The following THSD7A variants were observed in gnomAD, a reference collection of about 807,000 sequenced individuals.
THSD7A encodes thrombospondin type-1 domain-containing protein 7A.
A neutral mutation model predicts 231.3 loss-of-function variants in THSD7A; 96 were observed. The observed-to-expected ratio is 0.41, with a 90% CI of 0.35 to 0.49. THSD7A has a LOEUF of 0.49. Among genes scored for constraint, THSD7A ranks in the 20% least tolerant of loss-of-function variants. The pLI, the probability that THSD7A is intolerant of heterozygous loss-of-function variation, is 0.05. For missense variants in THSD7A, 2,290 were observed against 2,070.2 expected (o/e 1.11, Z -2.06); for synonymous variants, 940 against 743.3 (o/e 1.26, Z -4.30).
chr7:11,553,053 T>C (rs1014328285), intron 4 of THSD7A, among the ~76,000 whole-genome samples: 1 of 152,072 alleles, frequency 6.6e-6, no homozygotes, highest in Non-Finnish European at 1.5e-5. Context: ...TTTGTGTCTG[T>C]GTCCTAAATT....
intron 4 of THSD7A, among the ~76,000 whole-genome samples, chr7:11,583,433 C>T (rs2189637): frequency 0.61 from 92,724 of 151,788 alleles, 29,613 homozygotes; most frequent in African/African-American, 0.82. Context: ...CATGCCATCA[C>T]GCCTGGCAGT....
chr7:11,514,162 A>G (rs1034551230), intron 6 of THSD7A, among the ~76,000 whole-genome samples: 7 of 152,068 alleles, frequency 4.6e-5, no homozygotes, highest in African/African-American at 9.7e-5. Context: ...TGACCACTCA[A>G]AATAAAATAA....
chr7:11,582,978 A>G (rs1451915283), intron 4 of THSD7A, among the ~76,000 whole-genome samples: 1 of 151,202 alleles, frequency 6.6e-6, no homozygotes, highest in African/African-American at 2.4e-5. Flanking sequence ...TTTGATTCTT[A>G]TATTCTGAAC....
At chr7:11,674,868 C>T (rs1480806025) in intron 1 of THSD7A, among the ~76,000 whole-genome samples, 1 of 151,998 alleles carries the variant, frequency 6.6e-6, no homozygotes, top group African/African-American at 2.4e-5. Context: ...AACGAGGAAA[C>T]TCAGTGAGAT....
chr7:11,760,046 G>T (rs1011916329), intron 1 of THSD7A, among the ~76,000 whole-genome samples: 8 of 152,016 alleles, frequency 5.3e-5, no homozygotes, highest in Non-Finnish European at 1.0e-4. Flanking sequence ...CAAGTTGGGA[G>T]GGGTGGTTAG....
At chr7:11,462,281 A>G (rs1785536439) in intron 9 of THSD7A, 138 bp from the exon 10 acceptor site, 2 of 794,870 alleles carry the variant, frequency 2.5e-6, no homozygotes, top group Admixed American at 6.3e-5. Context: ...TGGTCTAAAC[A>G]TTCACTAAAT....
intron 1 of THSD7A, among the ~76,000 whole-genome samples, chr7:11,740,740 G>A (rs1583245007): frequency 6.6e-6 from 1 of 151,834 alleles, no homozygotes; most frequent in Non-Finnish European, 1.5e-5. Context: ...TTTAGATTAT[G>A]CTATAATATG....
intron 1 of THSD7A, among the ~76,000 whole-genome samples, chr7:11,640,818 G>A (rs1782050714): frequency 6.6e-6 from 1 of 151,904 alleles, no homozygotes; most frequent in Non-Finnish European, 1.5e-5. Context: ...TAATAATACT[G>A]GCATCTTATT....
At chr7:11,500,941 GAAAGAAAAAAAA>G (rs1439109446) in intron 6 of THSD7A, among the ~76,000 whole-genome samples, 2 of 75,620 alleles carry the variant, frequency 2.6e-5, no homozygotes, top group Admixed American at 1.6e-4. Flanking sequence ...CTCAAAAAAA[GAAAGAAAAAAAA>G]AAAGAAAAAA....
intron 4 of THSD7A, among the ~76,000 whole-genome samples, chr7:11,552,784 C>A (rs1043709290): frequency 3.8e-4 from 58 of 152,168 alleles, no homozygotes; most frequent in African/African-American, 1.4e-3. Flanking sequence ...TACCGATCAA[C>A]AGGAGAGTTC....
At chr7:11,472,659 C>T (rs1040836750) in intron 8 of THSD7A, among the ~76,000 whole-genome samples, 1 of 152,156 alleles carries the variant, frequency 6.6e-6, no homozygotes, top group African/African-American at 2.4e-5. Context: ...ACCCTTCCCA[C>T]TGATTTAATG....
intron 11 of THSD7A, among the ~76,000 whole-genome samples, chr7:11,453,926 T>G (rs1293893182): frequency 2.0e-5 from 3 of 152,010 alleles, no homozygotes; most frequent in Non-Finnish European, 4.4e-5. Flanking sequence ...CCATAGTTAT[T>G]ATGGCTAGGT....
At position 11,412,686 on chromosome 7, in the gene THSD7A, T is replaced by G. The variant is rs575850013; in HGVS notation, c.3652A>C (p.Asn1218His). Residue 1218 changes from asparagine to histidine, a missense_variant, in exon 18 of 28, where the codon AAC becomes CAC. By Grantham distance (68) the Asn-to-His change is moderately conservative. Coordinates refer to ENST00000423059, the MANE Select transcript of THSD7A (RefSeq NM_015204.3). Reference sequence around the variant, plus strand: ...ACATTATAATCATAGTGGTAGCAGTTTTTGTTCAGGTTACAGGGTTCTTTC... The same window carrying G: ...ACATTATAATCATAGTGGTAGCAGTGTTTGTTCAGGTTACAGGGTTCTTTC... ...VEKEPCNLNK[N>H]CYHYDYNVTD... 3 of 1,613,684 alleles carry G rather than the reference T, an allele frequency of 1.9e-6. No homozygotes were observed. In the South Asian group the frequency reaches 3.3e-5, roughly 18 times the overall value.
At chr7:11,379,457 T>A in intron 25 of THSD7A, 173 bp downstream of exon 25, 1 of 873,572 alleles carries the variant, frequency 1.1e-6, no homozygotes, top group Non-Finnish European at 1.8e-6. Flanking sequence ...AAATGTATTC[T>A]AAAGGTGAAA....
intron 1 of THSD7A, among the ~76,000 whole-genome samples, chr7:11,801,664 GA>G (rs1320217474): frequency 4.6e-5 from 7 of 151,636 alleles, no homozygotes; most frequent in East Asian, 1.9e-4. Flanking sequence ...AAAAGAACTG[GA>G]AAAAAAAGAA....
chr7:11,459,291 G>A (rs921940361), intron 11 of THSD7A, among the ~76,000 whole-genome samples: 3 of 151,888 alleles, frequency 2.0e-5, no homozygotes, highest in Non-Finnish European at 2.9e-5. Flanking sequence ...TAAAACTTAT[G>A]TTTCCTGATT....
intron 10 of THSD7A, 52 bp downstream of exon 10, chr7:11,461,959 A>G: frequency 1.3e-6 from 2 of 1,588,238 alleles, no homozygotes; most frequent in Non-Finnish European, 1.7e-6. Context: ...AAGGATGTGG[A>G]GTTGACGTAT....
At chr7:11,571,026 C>T (rs1277117036) in intron 4 of THSD7A, among the ~76,000 whole-genome samples, 2 of 152,160 alleles carry the variant, frequency 1.3e-5, no homozygotes, top group African/African-American at 4.8e-5. Context: ...ACCTTCTTGG[C>T]TGTGATTTTC....
At chr7:11,809,975 G>T (rs1294572570) in intron 1 of THSD7A, among the ~76,000 whole-genome samples, 2 of 152,100 alleles carry the variant, frequency 1.3e-5, no homozygotes, top group African/African-American at 4.8e-5. Context: ...TAACCATTTG[G>T]TCAAATGGCA....
Sources: gnomAD v4.1 joint callset for allele counts (sites outside exome capture counted in the v4.1 genomes callset) on GRCh38, gnomAD v4.1.1 for gene constraint, MANE v1.5 for transcripts, NCBI Gene and HGNC (gene_info 2026-07-23, HGNC 2026-07-21) for gene names.